The following PDHB variants were observed in gnomAD, a reference collection of about 807,000 sequenced individuals.
PDHB encodes the protein pyruvate dehydrogenase E1 component subunit beta, mitochondrial.
In PDHB, 17 loss-of-function variants were observed where a neutral mutation model predicts 42.8. The observed-to-expected ratio is 0.40, with a 90% CI of 0.27 to 0.60. PDHB has a LOEUF of 0.60. Ranked by LOEUF, PDHB falls within the 20% of genes least tolerant of loss-of-function variation. The probability of loss-of-function intolerance (pLI) is 0.46; values close to 1 mark genes in which losing one functional copy is unlikely to be tolerated. For synonymous variants in PDHB, 154 were observed against 148.7 expected (o/e 1.04, Z -0.26); for missense variants, 322 against 451.3 (o/e 0.71, Z 2.60).
At position 58,427,973 on chromosome 3, in the gene PDHB, C is replaced by A. The variant is rs2062885840; in HGVS notation, c.*61G>T. ...AATAGTCAGGTCTTGCAGTACAAAT[C>A]CAGGTGCAGTGCCAGCAAGTATTTC... On this transcript the variant is annotated 3_prime_UTR_variant, in exon 10 of 10. Transcript: ENST00000302746. 1 of 1,246,808 alleles carries A rather than the reference C, an allele frequency of 8.0e-7. No homozygotes were observed. The highest frequency in any genetic ancestry group is 1.2e-6 in the Non-Finnish European group (1 of 857,316). The allele number at this position is 1,246,808 out of a possible 1,614,324, so 77.2% of individuals were successfully genotyped here.
intron 8 of PDHB, among the ~76,000 whole-genome samples, chr3:58,429,304 A>G (rs11719957): frequency 0.07 from 10,670 of 152,246 alleles, 476 homozygotes; most frequent in South Asian, 0.11. Flanking sequence ...TAACTAGCAC[A>G]TGGTGAGTTT....
chr3:58,431,305 T>C lies in PDHB; in HGVS notation c.303+288A>G, dbSNP rs1407106771. On this transcript the variant is annotated intron_variant, in intron 5 of 9. Coordinates refer to ENST00000302746, the MANE Select transcript of PDHB (RefSeq NM_000925.4). The surrounding 1 kb of genome is among the most constrained non-coding windows in gnomAD (Gnocchi z 4.4). ...GGCTCACGCCTGTAATCCCAGCACT[T>C]TGGGAGGCCAAGGCGGTCGGATCAC... 1.1e-5 allele frequency: 5 copies of C among 467,598 alleles called. No homozygotes were observed. The highest frequency in any genetic ancestry group is 3.5e-5 in the Admixed American group (1 of 28,830). The allele number at this position is 467,598 out of a possible 1,614,324, so 29.0% of individuals were successfully genotyped here.
At position 58,433,771 on chromosome 3, in the gene PDHB, C is replaced by T. The variant is rs779611285; in HGVS notation, c.39G>A (p.Arg13=). Residue 13 remains arginine (R), a synonymous_variant, in exon 1 of 10, where the codon CGG becomes CGA. Coordinates refer to ENST00000302746, the MANE Select transcript of PDHB (RefSeq NM_000925.4). Reference sequence around the variant, plus strand: ...CAGGCCGCGCGCTGCTGCCTACCTCCCGAAGGGGTCTCCGCACCAAGCCAG... The same window carrying T: ...CAGGCCGCGCGCTGCTGCCTACCTCTCGAAGGGGTCTCCGCACCAAGCCAG... ...AVSGLVRRPL[R]EVSGLLKRRF... is the part of the protein sequence containing the mutation. 6.2e-7 allele frequency: 1 copy of T among 1,612,422 alleles called. No homozygotes were observed. The highest frequency in any genetic ancestry group is 8.5e-7 in the Non-Finnish European group (1 of 1,179,638).
Position 58,428,186 on chromosome 3 carries a change from G to A in PDHB, c.935-7C>T, listed in dbSNP as rs2107936427. On this transcript the variant is annotated splice_polypyrimidine_tract_variant and splice_region_variant and intron_variant, in intron 9 of 9. Coordinates refer to ENST00000302746, the MANE Select transcript of PDHB (RefSeq NM_000925.4). ...AGGAAATTGAACGCAGGACCTAGGA[G>A]AAGGAAGGCTCAACTGAGAGAGTGC... 13 of 1,613,796 alleles carry A rather than the reference G, an allele frequency of 8.1e-6. No individual in the cohort carries two copies. The highest frequency in any genetic ancestry group is 1.1e-5 in the Non-Finnish European group (13 of 1,179,682).
intron 2 of PDHB, 55 bp from the exon 3 acceptor site, chr3:58,432,039 A>G (rs2062925111): frequency 8.1e-7 from 1 of 1,230,766 alleles, no homozygotes; most frequent in Non-Finnish European, 1.2e-6. Context: ...TTCAACTAAG[A>G]TTTTCTTCCT....
intron 5 of PDHB, 33 bp from the exon 6 acceptor site, chr3:58,430,975 C>T: frequency 6.2e-7 from 1 of 1,604,036 alleles, no homozygotes; most frequent in Non-Finnish European, 8.5e-7. Context: ...GTTAAAAAGA[C>T]TAGAAACAGC....
chr3:58,430,606 T>C (rs1216504916), intron 6 of PDHB, 51 bp downstream of exon 6: 9 of 1,446,072 alleles, frequency 6.2e-6, no homozygotes, highest in Non-Finnish European at 7.8e-6. Flanking sequence ...TGCAAATATA[T>C]CATTTTAGTT....
chr3:58,431,444 A>AACCCC lies in PDHB; in HGVS notation c.303+148_303+149insGGGGT. The AACCCC allele has an allele frequency of 1.4e-6, 1 of 715,338 alleles. No individual in the cohort carries two copies. Among genetic ancestry groups the AACCCC allele is most frequent in the Non-Finnish European group, 2.5e-6 (1 of 402,768 alleles). 44.3% of individuals were successfully genotyped at this position (715,338 alleles called of 1,614,324 possible). A position where few individuals can be genotyped will look rare whatever the true frequency, so the allele number is the denominator to read the frequency against. On this transcript the variant is annotated intron_variant, in intron 5 of 9. Coordinates refer to ENST00000302746, the MANE Select transcript of PDHB (RefSeq NM_000925.4). The surrounding 1 kb of genome is among the most constrained non-coding windows in gnomAD (Gnocchi z 4.4). ...CGACCTGTAACCCCAGCCACTATGG[A>AACCCC]GGCTGAGGCAGGAGAATTGCTTGAA...
In PDHB at chr3:58,427,663, C is replaced by A. The variant is rs770760887; in HGVS notation, c.*371G>T. The A allele has an allele frequency of 1.4e-5, 5 of 363,802 alleles. No homozygotes were observed. The highest frequency in any genetic ancestry group is 6.3e-5 in the South Asian group (3 of 47,788). The allele number at this position is 363,802 out of a possible 1,614,324, so 22.5% of individuals were successfully genotyped here. A position where few individuals can be genotyped will look rare whatever the true frequency, so the allele number is the denominator to read the frequency against. On this transcript the variant is annotated 3_prime_UTR_variant, in exon 10 of 10. Transcript: ENST00000302746. ...GAAATTCCTTTATTCCTTATCAAAA[C>A]AAACTAACAGTAAATGTATATTATA...
At chr3:58,430,319 T>C in intron 6 of PDHB, 81 bp from the exon 7 acceptor site, 1 of 985,560 alleles carries the variant, frequency 1.0e-6, no homozygotes, top group Non-Finnish European at 1.6e-6. Flanking sequence ...ATATCATTCA[T>C]CTTGTGAGAA....
Position 58,427,673 on chromosome 3 carries a change from G to A in PDHB, c.*361C>T, listed in dbSNP as rs1458795094. On this transcript the variant is annotated 3_prime_UTR_variant, in exon 10 of 10. Transcript: ENST00000302746. ...TATTCCTTATCAAAACAAACTAACA[G>A]TAAATGTATATTATATGCTTTAATT... is the stretch of plus-strand genomic sequence containing the variant. 1.0e-5 allele frequency: 4 copies of A among 383,312 alleles called. No individual in the cohort carries two copies. The highest frequency in any genetic ancestry group is 7.3e-5 in the East Asian group (1 of 13,708). The allele number at this position is 383,312 out of a possible 1,614,324, so 23.7% of individuals were successfully genotyped here. A position where few individuals can be genotyped will look rare whatever the true frequency, so the allele number is the denominator to read the frequency against.
In PDHB at chr3:58,427,892, T is replaced by C; in HGVS notation, c.*142A>G. ...AGAGTTTTCCATACACAAACACATT[T>C]AAACTTCCCTGTACAAAAATACCTG... is the stretch of plus-strand genomic sequence containing the variant. On this transcript the variant is annotated 3_prime_UTR_variant, in exon 10 of 10. Transcript: ENST00000302746. The C allele has an allele frequency of 1.4e-6, 1 of 717,156 alleles. No individual in the cohort carries two copies. The highest frequency in any genetic ancestry group is 2.5e-6 in the Non-Finnish European group (1 of 403,046). 44.4% of individuals were successfully genotyped at this position (717,156 alleles called of 1,614,324 possible).
Position 58,431,989 on chromosome 3 carries a change from C to T in PDHB, c.97-5G>A, listed in dbSNP as rs200429396. The T allele has an allele frequency of 3.8e-5, 61 of 1,589,222 alleles. No individual in the cohort carries two copies. In the African/African-American group the frequency reaches 7.2e-4, roughly 19 times the overall value. On this transcript the variant is annotated splice_polypyrimidine_tract_variant and splice_region_variant and intron_variant, in intron 2 of 9. Coordinates refer to ENST00000302746, the MANE Select transcript of PDHB (RefSeq NM_000925.4). The surrounding 1 kb of genome is among the most constrained non-coding windows in gnomAD (Gnocchi z 4.4). ...TATAGCATCACGAACTGTCACCTGT[C>T]ACAGGTATGCAAAAACAGTCAATAC...
At position 58,430,403 on chromosome 3, in the gene PDHB, T is replaced by C. The variant is rs1354091727; in HGVS notation, c.590-165A>G. ...AGAGCAGTTTAGGTACTTAAATTTG[T>C]AGTGGTCAATATAATTTTATCTATC... On this transcript the variant is annotated intron_variant, in intron 6 of 9. Transcript: ENST00000302746. Among the ~76,000 whole-genome samples the C allele has an allele frequency of 3.3e-5, 5 of 152,340 alleles. No individual in the cohort carries two copies. The Middle Eastern group carries it at 0.01, about 311-fold the overall frequency.
Position 58,431,670 on chromosome 3 carries a change from T to G in PDHB, c.268-42A>C, listed in dbSNP as rs1489651917. ...AAACATAAGTGAAAATCCATAAAAA[T>G]GAGGATAATGGACACTAACAGACAT... On this transcript the variant is annotated intron_variant, in intron 4 of 9. Transcript: ENST00000302746. This position sits in a 1 kb window ranked among gnomAD's most constrained non-coding sequence, Gnocchi z 4.4. 6.2e-7 allele frequency: 1 copy of G among 1,602,914 alleles called. No homozygotes were observed. The highest frequency in any genetic ancestry group is 1.7e-5 in the Admixed American group (1 of 60,010).
Position 58,431,786 on chromosome 3 carries a change from C to T in PDHB, c.212G>A (p.Arg71Gln), listed in dbSNP as rs772939767. The change falls in exon 4 of 10, where the codon CGA (arginine) becomes CAA (glutamine). Residue 71 changes from arginine to glutamine, a missense_variant. Arg to Gln is a conservative substitution (Grantham distance 43). Coordinates refer to ENST00000302746, the MANE Select transcript of PDHB (RefSeq NM_000925.4). The surrounding 1 kb of genome is among the most constrained non-coding windows in gnomAD (Gnocchi z 4.4). ...AQYDGAYKVSRGLWKKYGDKR... is the reference protein window; with the variant it reads ...AQYDGAYKVSQGLWKKYGDKR... Reference sequence around the variant, plus strand: ...GTCTCCATATTTCTTCCACAGCCCTCGACTAACCTACAATTAAGAGTTGAT... The same window carrying T: ...GTCTCCATATTTCTTCCACAGCCCTTGACTAACCTACAATTAAGAGTTGAT... 3.7e-6 allele frequency: 6 copies of T among 1,613,456 alleles called. No homozygotes were observed. The highest frequency in any genetic ancestry group is 3.3e-5 in the Admixed American group (2 of 60,008).
In PDHB at chr3:58,431,109, T is replaced by C. The variant is rs566026051; in HGVS notation, c.304-167A>G. 33 of 697,514 alleles carry C rather than the reference T, an allele frequency of 4.7e-5. 1 individual carries two copies. In the South Asian group the frequency reaches 5.5e-4, roughly 12 times the overall value. The allele number at this position is 697,514 out of a possible 1,614,324, so 43.2% of individuals were successfully genotyped here. ...CCATGCTGGAGTGCAGTGGCACACATCATAGCTCACTGCAGCCTCTAACTC... is the reference window on the plus strand; with the variant it reads ...CCATGCTGGAGTGCAGTGGCACACACCATAGCTCACTGCAGCCTCTAACTC... On this transcript the variant is annotated intron_variant, in intron 5 of 9. Transcript: ENST00000302746. This position sits in a 1 kb window ranked among gnomAD's most constrained non-coding sequence, Gnocchi z 4.4.
Position 58,431,482 on chromosome 3 carries a change from G to A in PDHB, c.303+111C>T, listed in dbSNP as rs2062919982. ...AGAATTGCTTGAACCTGGAAGCTGA[G>A]ATGGTGCCAGTGCACTCCAGGCTGG... On this transcript the variant is annotated intron_variant, in intron 5 of 9. Coordinates refer to ENST00000302746, the MANE Select transcript of PDHB (RefSeq NM_000925.4). The surrounding 1 kb of genome is among the most constrained non-coding windows in gnomAD (Gnocchi z 4.4). 1.2e-6 allele frequency: 1 copy of A among 857,856 alleles called. No individual in the cohort carries two copies. Among genetic ancestry groups the A allele is most frequent in the African/African-American group, 1.7e-5 (1 of 59,366 alleles). The allele number at this position is 857,856 out of a possible 1,614,324, so 53.1% of individuals were successfully genotyped here. A position where few individuals can be genotyped will look rare whatever the true frequency, so the allele number is the denominator to read the frequency against.
At position 58,431,831 on chromosome 3, in the gene PDHB, G is replaced by T; in HGVS notation, c.205-38C>A. On this transcript the variant is annotated intron_variant, in intron 3 of 9. Coordinates refer to ENST00000302746, the MANE Select transcript of PDHB (RefSeq NM_000925.4). This position sits in a 1 kb window ranked among gnomAD's most constrained non-coding sequence, Gnocchi z 4.4. ...GTTGATCCCTTAAGTGTATCTGGGG[G>T]TAACAGTGACCTCAATTTTGTATAA... 2.5e-6 allele frequency: 4 copies of T among 1,606,972 alleles called. No individual in the cohort carries two copies. The highest frequency in any genetic ancestry group is 3.4e-6 in the Non-Finnish European group (4 of 1,173,546).
Sources: gnomAD v4.1 joint callset for allele counts (sites outside exome capture counted in the v4.1 genomes callset) on GRCh38, gnomAD v4.1.1 for gene constraint, Gnocchi (gnomAD v3.1) non-coding constraint, MANE v1.5 for transcripts, NCBI Gene and HGNC (gene_info 2026-07-23, HGNC 2026-07-21) for gene names.